The following CELF2 variants were observed in gnomAD, a reference collection of about 807,000 sequenced individuals.
CELF2 encodes the protein CUG triplet repeat RNA-binding protein 2.
CELF2 carries 8 observed loss-of-function variants against 62.6 expected under a neutral mutation model. That is an observed-to-expected ratio of 0.13 (90% CI 0.07 to 0.23). The LOEUF is 0.23. Ranked by LOEUF, CELF2 falls within the 10% of genes least tolerant of loss-of-function variation. The pLI is 1.00. For synonymous variants in CELF2, 258 were observed against 250.0 expected (o/e 1.03, Z -0.30); for missense variants, 333 against 671.0 (o/e 0.50, Z 5.56).
At chr10:11,175,315 C>T (rs1309223777) in intron 2 of CELF2, among the ~76,000 whole-genome samples, 1 of 151,762 alleles carries the variant, frequency 6.6e-6, no homozygotes, top group Non-Finnish European at 1.5e-5. Flanking sequence ...GACCTCAGAG[C>T]ATTGAGTCAT....
chr10:10,532,603 C>A, the CELF2 span, among the ~76,000 whole-genome samples: 99,472 of 152,008 alleles, frequency 0.65, 32,816 homozygotes, highest in East Asian at 0.85. Context: ...AATATCACAG[C>A]CTTGCTCCAG....
intron 2 of CELF2, chr10:10,929,460 T>C (rs1170660254): frequency 1.3e-5 from 2 of 152,226 alleles, no homozygotes; most frequent in African/African-American, 4.8e-5. Flanking sequence ...ATGCTAATTA[T>C]TTTACCAATG....
At chr10:11,100,197 C>T (rs1353542466) in intron 1 of CELF2, among the ~76,000 whole-genome samples, 1 of 151,716 alleles carries the variant, frequency 6.6e-6, no homozygotes, top group Admixed American at 6.6e-5. Flanking sequence ...GAGCGAGACT[C>T]TGTCTCAAAA....
At position 11,270,844 on chromosome 10, in the gene CELF2, G is replaced by A. The variant is rs745656048; in HGVS notation, c.777+20G>A. 2.7e-5 allele frequency: 36 copies of A among 1,350,040 alleles called. No homozygotes were observed. Among genetic ancestry groups the A allele is most frequent in the Admixed American group, 5.9e-5 (2 of 34,128 alleles). 83.6% of individuals were successfully genotyped at this position (1,350,040 alleles called of 1,614,324 possible). A position where few individuals can be genotyped will look rare whatever the true frequency, so the allele number is the denominator to read the frequency against. ...CTGGCGGTAAGTGCTGGGCAATGCC[G>A]GCGTGGTCTTCACCCGCTGAAACTC... On this transcript the variant is annotated intron_variant, in intron 7 of 12. Coordinates refer to ENST00000633077, the MANE Select transcript of CELF2 (RefSeq NM_001326342.2). The surrounding 1 kb of genome is among the most constrained non-coding windows in gnomAD (Gnocchi z 5.8).
intron 2 of CELF2, among the ~76,000 whole-genome samples, chr10:10,963,853 C>T (rs2049826695): frequency 6.6e-6 from 1 of 152,100 alleles, no homozygotes; most frequent in Non-Finnish European, 1.5e-5. Flanking sequence ...GGATTCTCAG[C>T]CCATTCCCAT....
intron 2 of CELF2, chr10:11,168,936 G>GT (rs1350459273): frequency 6.6e-6 from 1 of 152,250 alleles, no homozygotes; most frequent in Non-Finnish European, 1.5e-5. Flanking sequence ...GGAAAAGTGT[G>GT]TTTTATTCAG....
intron 9 of CELF2, among the ~76,000 whole-genome samples, chr10:11,301,592 G>T (rs2093759327): frequency 6.9e-6 from 1 of 145,648 alleles, no homozygotes; most frequent in Non-Finnish European, 1.5e-5. Context: ...TCCAGGACGG[G>T]CTTGGACTGG....
At chr10:10,799,026 G>T (rs947486603) in intron 1 of CELF2, among the ~76,000 whole-genome samples, 1 of 152,158 alleles carries the variant, frequency 6.6e-6, no homozygotes, top group Non-Finnish European at 1.5e-5. Context: ...TTTCACCCCA[G>T]GGGGGAGGTC....
chr10:10,998,822 G>A (rs1313763650), intron 2 of CELF2, among the ~76,000 whole-genome samples: 2 of 152,106 alleles, frequency 1.3e-5, no homozygotes, highest in South Asian at 2.1e-4. Context: ...CTTTTGCCAA[G>A]CCACCACAAA....
intron 1 of CELF2, among the ~76,000 whole-genome samples, chr10:11,091,965 G>GT (rs1440052961): frequency 2.6e-5 from 4 of 152,168 alleles, no homozygotes; most frequent in Admixed American, 2.6e-4. Flanking sequence ...AAATTTCTCA[G>GT]TTATATATAA....
At chr10:10,793,412 AG>A (rs2053967275), upstream of CELF2, among the ~76,000 whole-genome samples, 1 of 152,228 alleles carries the variant, frequency 6.6e-6, no homozygotes, top group Non-Finnish European at 1.5e-5. Context: ...CTAACTATTC[AG>A]GTGCAGATTT....
rs796303485 is a variant in CELF2, at chr10:11,331,303, CA to C, written c.*2260del. The C allele has an allele frequency of 4.1e-3, 472 of 114,700 alleles. 1 individual carries two copies. Among genetic ancestry groups the C allele is most frequent in the African/African-American group, 0.014 (428 of 30,718 alleles). The allele number at this position is 114,700 out of a possible 1,614,324, so 7.1% of individuals were successfully genotyped here. On this transcript the variant is annotated 3_prime_UTR_variant, in exon 13 of 13. Coordinates refer to ENST00000633077, the MANE Select transcript of CELF2 (RefSeq NM_001326342.2). ...AATACAAAAAAAAAAAAAAGAATTT[CA>C]AAAAAAAAAGTTGTTTGCTTAAAAA...
chr10:10,566,791 A>T, the CELF2 span, among the ~76,000 whole-genome samples: 1 of 152,294 alleles, frequency 6.6e-6, no homozygotes, highest in South Asian at 2.1e-4. Flanking sequence ...AGATTTTTCA[A>T]GGCTATCATA....
intron 1 of CELF2, among the ~76,000 whole-genome samples, chr10:11,138,372 G>A (rs1454498897): frequency 6.6e-6 from 1 of 152,192 alleles, no homozygotes; most frequent in African/African-American, 2.4e-5. Context: ...CATTTTCTCT[G>A]TAGCTCTCAA....
At chr10:10,562,030 C>T in the CELF2 span, among the ~76,000 whole-genome samples, 1 of 152,208 alleles carries the variant, frequency 6.6e-6, no homozygotes, top group Non-Finnish European at 1.5e-5. Flanking sequence ...TCAATTCCAT[C>T]ACTTACCAGA....
chr10:11,327,838 T>C (rs918055722), intron 12 of CELF2, among the ~76,000 whole-genome samples: 8 of 152,210 alleles, frequency 5.3e-5, no homozygotes, highest in Non-Finnish European at 8.8e-5. Flanking sequence ...CTTCCTCCTC[T>C]AGTTTGTAAA....
At chr10:10,565,361 G>A in the CELF2 span, among the ~76,000 whole-genome samples, 3 of 152,224 alleles carry the variant, frequency 2.0e-5, no homozygotes, top group Admixed American at 1.3e-4. Flanking sequence ...CTGTGATGAC[G>A]GCTCTCATAA....
At chr10:10,695,739 C>T in the CELF2 span, among the ~76,000 whole-genome samples, 18 of 152,248 alleles carry the variant, frequency 1.2e-4, no homozygotes, top group Admixed American at 2.6e-4. Context: ...CTTCCCATCT[C>T]GCTTCATTTC....
rs879325158 is a variant in CELF2 at position 10,911,112 on chromosome 10, G to A, written c.54-8852G>A. On this transcript the variant is annotated intron_variant, in intron 1 of 13. Transcript: ENST00000636488. ...CTTCTTGGGTGGGTTTCTGAGCTGC[G>A]TCTGAAGAGGACATTTCTGAAAGAA... 3.2e-4 allele frequency among the ~76,000 whole-genome samples: 48 copies of A among 152,292 alleles called. 1 individual carries two copies. Among genetic ancestry groups the A allele is most frequent in the Admixed American group, 2.7e-3 (42 of 15,300 alleles).
Sources: gnomAD v4.1 joint callset for allele counts (sites outside exome capture counted in the v4.1 genomes callset) on GRCh38, gnomAD v4.1.1 for gene constraint, Gnocchi (gnomAD v3.1) non-coding constraint, MANE v1.5 for transcripts, NCBI Gene and HGNC (gene_info 2026-07-23, HGNC 2026-07-21) for gene names.